SUGCT: variants seen among roughly 807,000 people sequenced by gnomAD.
SUGCT encodes the protein succinyl-CoA:glutarate CoA-transferase.
SUGCT carries 41 observed loss-of-function variants against 55.0 expected under a neutral mutation model. That is an observed-to-expected ratio of 0.74 (90% CI 0.58 to 0.97). The LOEUF is 0.97. Ranked by LOEUF, SUGCT falls within the 50% of genes least tolerant of loss-of-function variation. The pLI, the probability that SUGCT is intolerant of heterozygous loss-of-function variation, is 0.00. For synonymous variants in SUGCT, 187 were observed against 200.4 expected (o/e 0.93, Z 0.56); for missense variants, 568 against 547.8 (o/e 1.04, Z -0.37).
rs750492596 is a variant in SUGCT at position 40,431,524 on chromosome 7, T to C, written c.817-17763T>C. 6.1e-4 allele frequency among the ~76,000 whole-genome samples: 93 copies of C among 152,346 alleles called. 1 individual carries two copies. The highest frequency in any genetic ancestry group is 3.4e-3 in the Middle Eastern group (1 of 292). On this transcript the variant is annotated intron_variant, in intron 9 of 13. Transcript: ENST00000335693. ...TTTTATTGAAATCTGTATATTGCTT[T>C]GGGCAGCATGTACATTTTAAGAATA...
the SUGCT span, among the ~76,000 whole-genome samples, chr7:40,991,899 A>G: frequency 6.6e-6 from 1 of 152,062 alleles, no homozygotes; most frequent in Non-Finnish European, 1.5e-5. Context: ...TGTGGCAAGA[A>G]CAGTGGTGAG....
In SUGCT at chr7:40,363,280, T is replaced by C. The variant is rs568922555; in HGVS notation, c.816+46425T>C. Among the ~76,000 whole-genome samples the C allele has an allele frequency of 2.3e-3, 348 of 152,196 alleles. 3 individuals carry two copies. Among genetic ancestry groups the C allele is most frequent in the African/African-American group, 7.6e-3 (317 of 41,538 alleles). On this transcript the variant is annotated intron_variant, in intron 9 of 13. Coordinates refer to ENST00000335693, the MANE Select transcript of SUGCT (RefSeq NM_001193313.2). The stretch of plus-strand genomic sequence containing the variant: ...AAAAACCAGCTCCTGGATTCATTAA[T>C]TTTTTGAAGGGTTTTTTGTGTCTCT...
intron 9 of SUGCT, among the ~76,000 whole-genome samples, chr7:40,323,045 A>G (rs1333340050): frequency 6.6e-6 from 1 of 151,628 alleles, no homozygotes; most frequent in East Asian, 1.9e-4. Flanking sequence ...TGCCTCAATT[A>G]CAACCAGAAC....
At chr7:40,393,874 A>T (rs1166246523) in intron 9 of SUGCT, among the ~76,000 whole-genome samples, 1 of 152,216 alleles carries the variant, frequency 6.6e-6, no homozygotes, top group Non-Finnish European at 1.5e-5. Context: ...TAACTCTTGA[A>T]AATGAATGTG....
intron 12 of SUGCT, among the ~76,000 whole-genome samples, chr7:40,576,493 C>T (rs1237045447): frequency 6.6e-6 from 1 of 152,184 alleles, no homozygotes; most frequent in East Asian, 1.9e-4. Flanking sequence ...ACATGTGAGT[C>T]AGGGAAATCG....
intron 9 of SUGCT, among the ~76,000 whole-genome samples, chr7:40,371,057 A>G (rs1265043053): frequency 2.0e-5 from 3 of 152,266 alleles, no homozygotes; most frequent in South Asian, 2.1e-4. Flanking sequence ...TCCAAAGACC[A>G]TGAGTGTTTC....
chr7:40,367,789 C>G (rs559197369), intron 9 of SUGCT, among the ~76,000 whole-genome samples: 25 of 152,160 alleles, frequency 1.6e-4, no homozygotes, highest in Non-Finnish European at 3.4e-4. Flanking sequence ...TCATTCTTGT[C>G]TCTCTGCTTC....
At chr7:40,774,762 A>G (rs1789364008) in intron 13 of SUGCT, among the ~76,000 whole-genome samples, 1 of 145,238 alleles carries the variant, frequency 6.9e-6, no homozygotes, top group Non-Finnish European at 1.5e-5. Context: ...ATAACGACTA[A>G]GGCATTTTGG....
At chr7:40,802,133 G>A (rs1790851954) in intron 13 of SUGCT, among the ~76,000 whole-genome samples, 1 of 152,150 alleles carries the variant, frequency 6.6e-6, no homozygotes, top group Non-Finnish European at 1.5e-5. Flanking sequence ...AAATTTTGTA[G>A]ACTATGGAAT....
chr7:40,563,029 C>T (rs918938186), intron 12 of SUGCT, among the ~76,000 whole-genome samples: 3 of 151,970 alleles, frequency 2.0e-5, no homozygotes, highest in Admixed American at 6.6e-5. Context: ...AGGAAGGGAG[C>T]GGGGTTGAAC....
At chr7:40,449,485 A>G (rs145531937) in intron 10 of SUGCT, 127 bp downstream of exon 10, 12,256 of 682,084 alleles carry the variant, frequency 0.018, 174 homozygotes, top group Middle Eastern at 0.05. Flanking sequence ...ATTCATGCGC[A>G]TAAAGGATAA....
chr7:40,725,149 G>A (rs537338714), intron 12 of SUGCT, among the ~76,000 whole-genome samples: 6 of 152,198 alleles, frequency 3.9e-5, no homozygotes, highest in Admixed American at 6.5e-5. Flanking sequence ...GTTCTCAAGC[G>A]GTTATAGAAT....
At chr7:40,968,978 C>G in the SUGCT span, among the ~76,000 whole-genome samples, 536 of 152,344 alleles carry the variant, frequency 3.5e-3, 1 homozygote, top group African/African-American at 0.012. Flanking sequence ...CAGTCCCACC[C>G]AGAAGCCCCT....
At chr7:40,729,103 C>A (rs1469878420) in intron 12 of SUGCT, among the ~76,000 whole-genome samples, 1 of 152,098 alleles carries the variant, frequency 6.6e-6, no homozygotes, top group Admixed American at 6.5e-5. Flanking sequence ...TGATTGGATC[C>A]AAAATGAAAT....
At chr7:40,690,023 A>C (rs1358040649) in intron 12 of SUGCT, among the ~76,000 whole-genome samples, 1 of 152,238 alleles carries the variant, frequency 6.6e-6, no homozygotes, top group African/African-American at 2.4e-5. Context: ...GAATCCATGC[A>C]TATGGTCACC....
chr7:40,540,586 T>C (rs2151617281), intron 12 of SUGCT, among the ~76,000 whole-genome samples: 1 of 152,360 alleles, frequency 6.6e-6, no homozygotes, highest in African/African-American at 2.4e-5. Context: ...AAATGCCTAC[T>C]TACTCTCTGG....
At chr7:40,681,307 G>T (rs529714031) in intron 12 of SUGCT, among the ~76,000 whole-genome samples, 168 of 152,216 alleles carry the variant, frequency 1.1e-3, no homozygotes, top group African/African-American at 3.9e-3. Flanking sequence ...GGCGCTGAAG[G>T]TTGAGCTAAT....
At chr7:41,027,073 A>G in the SUGCT span, among the ~76,000 whole-genome samples, 2 of 152,240 alleles carry the variant, frequency 1.3e-5, no homozygotes, top group Non-Finnish European at 2.9e-5. Context: ...ACACAAAAAC[A>G]AAAACATCTT....
intron 12 of SUGCT, among the ~76,000 whole-genome samples, chr7:40,662,044 T>A (rs375773174): frequency 6.6e-6 from 1 of 152,236 alleles, no homozygotes; most frequent in Admixed American, 6.5e-5. Context: ...AACAGAGCTG[T>A]TTGTTTTTGT....
Sources: gnomAD v4.1 joint callset for allele counts (sites outside exome capture counted in the v4.1 genomes callset) on GRCh38, gnomAD v4.1.1 for gene constraint, MANE v1.5 for transcripts, NCBI Gene and HGNC (gene_info 2026-07-23, HGNC 2026-07-21) for gene names.